The following LEAP2 variants were observed in gnomAD, a reference collection of about 807,000 sequenced individuals.
The protein encoded by LEAP2 is liver-expressed antimicrobial peptide 2.
LEAP2 carries 13 observed loss-of-function variants against 9.3 expected under a neutral mutation model. That is an observed-to-expected ratio of 1.39 (90% confidence interval 0.91 to 2.21). The LOEUF (loss-of-function observed/expected upper bound fraction) is 2.21, where lower values mean the gene tolerates loss of function less well. Ranked by LOEUF, LEAP2 falls within the 30% of genes most tolerant of loss-of-function variation. The pLI, the probability that LEAP2 is intolerant of heterozygous loss-of-function variation, is 0.00. For synonymous variants in LEAP2, 34 were observed against 34.9 expected (o/e 0.98, Z 0.09); for missense variants, 98 against 94.0 (o/e 1.04, Z -0.17).
rs767964026 is a variant in LEAP2 at position 132,873,688 on chromosome 5, T to A, written c.-7T>A. On this transcript the variant is annotated 5_prime_UTR_variant, in exon 1 of 3. Transcript: ENST00000296877. Reference sequence around the variant, plus strand: ...CTTTCAGGCTCCAACATCCTCCCCCTGTCAAGATGTGGCACCTCAAACTTT... The same window carrying A: ...CTTTCAGGCTCCAACATCCTCCCCCAGTCAAGATGTGGCACCTCAAACTTT... 3.8e-6 allele frequency: 6 copies of A among 1,592,572 alleles called. No individual in the cohort carries two copies. In the Admixed American group the frequency reaches 8.4e-5, roughly 22 times the overall value.
In LEAP2 at chr5:132,873,713, T is replaced by G; in HGVS notation, c.19T>G (p.Cys7Gly). The G allele has an allele frequency of 6.2e-7, 1 of 1,614,130 alleles. No individual in the cohort carries two copies. Among genetic ancestry groups the G allele is most frequent in the South Asian group, 1.1e-5 (1 of 91,084 alleles). The change falls in exon 1 of 3, where the codon TGT becomes GGT. Residue 7 changes from cysteine (C) to glycine (G), a missense_variant. Physicochemically the swap from Cys to Gly is radical, Grantham distance 159. Coordinates refer to ENST00000296877, the MANE Select transcript of LEAP2 (RefSeq NM_052971.3). ...TGTCAAGATGTGGCACCTCAAACTT[T>G]GTGCAGTCCTCATGATCTTCCTGTT... is the stretch of plus-strand genomic sequence containing the variant. MWHLKL[C>G]AVLMIFLLLL...
rs926722308 is a variant in LEAP2, at chr5:132,873,975, T to C, written c.83T>C (p.Val28Ala). Residue 28 changes from valine (V) to alanine (A), a missense_variant, in exon 2 of 3, where the codon GTG (valine) becomes GCG (alanine). Val to Ala is a moderately conservative substitution (Grantham distance 64, BLOSUM62 0). Coordinates refer to ENST00000296877, the MANE Select transcript of LEAP2 (RefSeq NM_052971.3). The stretch of plus-strand genomic sequence containing the variant: ...ATAGATGGCTCCCCAATACCAGAAG[T>C]GAGTTCGGCAAAGAGAAGGCCACGG... Reference protein sequence around the residue: ...GQIDGSPIPEVSSAKRRPRRM... With the variant: ...GQIDGSPIPEASSAKRRPRRM... The C allele has an allele frequency of 1.7e-5, 28 of 1,614,026 alleles. No homozygotes were observed. The highest frequency in any genetic ancestry group is 2.3e-5 in the Non-Finnish European group (27 of 1,180,014).
Position 132,874,103 on chromosome 5 carries a change from C to T in LEAP2, c.197+14C>T. 1 of 1,608,006 alleles carries T rather than the reference C, an allele frequency of 6.2e-7. No individual in the cohort carries two copies. On this transcript the variant is annotated intron_variant, in intron 2 of 2. Coordinates refer to ENST00000296877, the MANE Select transcript of LEAP2 (RefSeq NM_052971.3). ...AAGGCTATGCAGGTACTCCCTGAAC[C>T]TGGGAGCAGGGTTGGGCCAGAGAGC... is the stretch of plus-strand genomic sequence containing the variant.
In LEAP2 at chr5:132,874,084, A is replaced by C. The variant is rs1236087551; in HGVS notation, c.192A>C (p.Leu64=). Residue 64 remains leucine, a synonymous_variant, in exon 2 of 3, where the codon CTA becomes CTC. Transcript: ENST00000296877. ...ATGATTCTGAGTGTATCACAAGGCTATGCAGGTACTCCCTGAACCTGGGAG... is the reference window on the plus strand; with the variant it reads ...ATGATTCTGAGTGTATCACAAGGCTCTGCAGGTACTCCCTGAACCTGGGAG... The part of the protein sequence containing the change: ...CRDDSECITR[L]CRKRRCSLSV... 6.2e-7 allele frequency: 1 copy of C among 1,612,686 alleles called. No homozygotes were observed. The highest frequency in any genetic ancestry group is 1.1e-5 in the South Asian group (1 of 91,044).
At position 132,874,579 on chromosome 5, in the gene LEAP2, T is replaced by A. The variant is rs1173964635; in HGVS notation, c.*133T>A. ...TGTATTTTTAATATTTAAAGGCAGA[T>A]GTACGCTTTAAATTGGTCTCCATTT... On this transcript the variant is annotated 3_prime_UTR_variant, in exon 3 of 3. Transcript: ENST00000296877. 1 of 791,942 alleles carries A rather than the reference T, an allele frequency of 1.3e-6. No individual in the cohort carries two copies. The highest frequency in any genetic ancestry group is 2.2e-6 in the Non-Finnish European group (1 of 456,284). The allele number at this position is 791,942 out of a possible 1,614,324, so 49.1% of individuals were successfully genotyped here.
chr5:132,874,056 G>A lies in LEAP2; in HGVS notation c.164G>A (p.Arg55Gln), dbSNP rs150053880. ...CTCAGGCCTATTGGAGCCTCCTGCC[G>A]GGATGATTCTGAGTGTATCACAAGG... ...VSLRPIGASCRDDSECITRLC... is the reference protein window; with the variant it reads ...VSLRPIGASCQDDSECITRLC... The change falls in exon 2 of 3, where the codon CGG (arginine) becomes CAG (glutamine). Residue 55 changes from arginine to glutamine, a missense_variant. By Grantham distance (43) the Arg-to-Gln change is conservative. Coordinates refer to ENST00000296877, the MANE Select transcript of LEAP2 (RefSeq NM_052971.3). 17 of 1,613,910 alleles carry A rather than the reference G, an allele frequency of 1.1e-5. No homozygotes were observed. Among genetic ancestry groups the A allele is most frequent in the African/African-American group, 8.0e-5 (6 of 74,896 alleles).
chr5:132,874,507 TATTG>T lies in LEAP2; in HGVS notation c.*65_*68del, dbSNP rs1759789734. The T allele has an allele frequency of 1.4e-6, 2 of 1,452,206 alleles. No individual in the cohort carries two copies. Among genetic ancestry groups the T allele is most frequent in the Non-Finnish European group, 1.9e-6 (2 of 1,032,996 alleles). The allele number at this position is 1,452,206 out of a possible 1,614,324, so 90.0% of individuals were successfully genotyped here. A position where few individuals can be genotyped will look rare whatever the true frequency, so the allele number is the denominator to read the frequency against. Reference sequence around the variant, plus strand: ...TCCGACAATGCTCCGTTCTATGGAATATTGATTAACTGCATTTTGGCTGGAGACA... The same window carrying T: ...TCCGACAATGCTCCGTTCTATGGAATATTAACTGCATTTTGGCTGGAGACA... On this transcript the variant is annotated 3_prime_UTR_variant, in exon 3 of 3. Coordinates refer to ENST00000296877, the MANE Select transcript of LEAP2 (RefSeq NM_052971.3).
exon 3 of LEAP2, chr5:132,875,030 CAAAAA>C (rs35973948): frequency 1.3e-5 from 1 of 77,580 alleles, no homozygotes; most frequent in Non-Finnish European, 2.3e-5. Context: ...GACTCTGTCT[CAAAAA>C]AAAAAAAAAA....
In LEAP2 at chr5:132,874,074, T is replaced by A. The variant is rs377126955; in HGVS notation, c.182T>A (p.Ile61Asn). The A allele has an allele frequency of 6.2e-6, 10 of 1,613,560 alleles. No individual in the cohort carries two copies. In the African/African-American group the frequency reaches 1.2e-4, roughly 19 times the overall value. Residue 61 changes from isoleucine to asparagine, a missense_variant, in exon 2 of 3, where the codon ATC becomes AAC. By Grantham distance (149) the Ile-to-Asn change is moderately radical. Coordinates refer to ENST00000296877, the MANE Select transcript of LEAP2 (RefSeq NM_052971.3). The part of the protein sequence containing the change: ...GASCRDDSEC[I>N]TRLCRKRRCS... ...TCCTGCCGGGATGATTCTGAGTGTA[T>A]CACAAGGCTATGCAGGTACTCCCTG... is the stretch of plus-strand genomic sequence containing the variant.
chr5:132,873,796 T>TGA (rs926437913), intron 1 of LEAP2, 45 bp downstream of exon 1: 18 of 1,590,754 alleles, frequency 1.1e-5, no homozygotes, highest in African/African-American at 5.4e-5. Context: ...AGTGTGGAGA[T>TGA]GATAGTGGTG....
intron 2 of LEAP2, 106 bp downstream of exon 2, chr5:132,874,195 A>C: frequency 2.4e-6 from 3 of 1,268,602 alleles, no homozygotes; most frequent in Non-Finnish European, 3.3e-6. Context: ...GGGATGGAGG[A>C]GTTCTAGACT....
intron 1 of LEAP2, 49 bp from the exon 2 acceptor site, chr5:132,873,901 T>A (rs762165116): frequency 1.1e-5 from 17 of 1,609,936 alleles, no homozygotes. Context: ...TTCCAAGGTG[T>A]GCAGCAGGGT....
intron 2 of LEAP2, 123 bp from the exon 3 acceptor site, chr5:132,874,287 C>T: frequency 9.9e-7 from 1 of 1,014,064 alleles, no homozygotes; most frequent in South Asian, 1.3e-5. Flanking sequence ...AGAGTGGTGC[C>T]TTTCCATTCT....
rs57880964 is a variant in LEAP2, at chr5:132,874,982, G to C, written c.*536G>C. The stretch of plus-strand genomic sequence containing the variant: ...GGAGGTGGAGGTTGCAGTGAGCCAA[G>C]ATCATGCCACTGCACCCCAGCCTGG... On this transcript the variant is annotated 3_prime_UTR_variant, in exon 3 of 3. Coordinates refer to ENST00000296877, the MANE Select transcript of LEAP2 (RefSeq NM_052971.3). The C allele has an allele frequency of 0.13, 19,122 of 142,982 alleles. 1,416 individuals carry two copies. The highest frequency in any genetic ancestry group is 0.24 in the Middle Eastern group (57 of 234). 8.9% of individuals were successfully genotyped at this position (142,982 alleles called of 1,614,324 possible). A position where few individuals can be genotyped will look rare whatever the true frequency, so the allele number is the denominator to read the frequency against.
intron 2 of LEAP2, 94 bp downstream of exon 2, chr5:132,874,183 C>A: frequency 7.2e-7 from 1 of 1,381,268 alleles, no homozygotes; most frequent in Non-Finnish European, 1.0e-6. Context: ...AAGAATAAAG[C>A]TGGGATGGAG....
Position 132,874,178 on chromosome 5 carries a change from T to G in LEAP2, c.197+89T>G, listed in dbSNP as rs991374288. The G allele has an allele frequency of 4.1e-5, 58 of 1,402,012 alleles. No individual in the cohort carries two copies. The South Asian group carries it at 5.4e-4, about 13-fold the overall frequency. 86.8% of individuals were successfully genotyped at this position (1,402,012 alleles called of 1,614,324 possible). A position where few individuals can be genotyped will look rare whatever the true frequency, so the allele number is the denominator to read the frequency against. On this transcript the variant is annotated intron_variant, in intron 2 of 2. Transcript: ENST00000296877. ...ACAAGGGGACACATGAACCTAAGAA[T>G]AAAGCTGGGATGGAGGAGTTCTAGA... is the stretch of plus-strand genomic sequence containing the variant.
chr5:132,873,871 G>A (rs1460137042), intron 1 of LEAP2, 79 bp from the exon 2 acceptor site: 1 of 1,596,774 alleles, frequency 6.3e-7, no homozygotes, highest in Non-Finnish European at 8.6e-7. Flanking sequence ...TACAGCATCT[G>A]CGGAATGGAA....
Position 132,874,971 on chromosome 5 carries a change from C to A in LEAP2, c.*525C>A. 6.1e-6 allele frequency: 1 copy of A among 162,776 alleles called. No homozygotes were observed. The highest frequency in any genetic ancestry group is 1.2e-4 in the South Asian group (1 of 8,642). 10.1% of individuals were successfully genotyped at this position (162,776 alleles called of 1,614,324 possible). A position where few individuals can be genotyped will look rare whatever the true frequency, so the allele number is the denominator to read the frequency against. On this transcript the variant is annotated 3_prime_UTR_variant, in exon 3 of 3. Coordinates refer to ENST00000296877, the MANE Select transcript of LEAP2 (RefSeq NM_052971.3). ...ACTTGAACCTGGGAGGTGGAGGTTG[C>A]AGTGAGCCAAGATCATGCCACTGCA...
At position 132,874,397 on chromosome 5, in the gene LEAP2, TC is replaced by T; in HGVS notation, c.198-12del. ...GACCCAGTCTTAAAAAACTACCCTTTCTTTTCCCCTAGAAAAAGACGCTGTT... is the reference window on the plus strand; with the variant it reads ...GACCCAGTCTTAAAAAACTACCCTTTTTTTCCCCTAGAAAAAGACGCTGTT... On this transcript the variant is annotated splice_polypyrimidine_tract_variant and intron_variant, in intron 2 of 2. Coordinates refer to ENST00000296877, the MANE Select transcript of LEAP2 (RefSeq NM_052971.3). 1 of 1,612,834 alleles carries T rather than the reference TC, an allele frequency of 6.2e-7. No individual in the cohort carries two copies. The highest frequency in any genetic ancestry group is 8.5e-7 in the Non-Finnish European group (1 of 1,178,892).
Sources: gnomAD v4.1 joint callset for allele counts on GRCh38, gnomAD v4.1.1 for gene constraint, MANE v1.5 for transcripts, NCBI Gene and HGNC (gene_info 2026-07-23, HGNC 2026-07-21) for gene names.